Variants in ZC3H18 observed in about 807,000 individuals in gnomAD.
ZC3H18 encodes zinc finger CCCH domain-containing protein 18.
In ZC3H18, 8 loss-of-function variants were observed where a neutral mutation model predicts 106.1. That is an observed-to-expected ratio of 0.08 (90% CI 0.04 to 0.14). The LOEUF (loss-of-function observed/expected upper bound fraction) is 0.14, where lower values mean the gene tolerates loss of function less well. Ranked by LOEUF, ZC3H18 falls within the 10% of genes least tolerant of loss-of-function variation. The pLI, the probability that ZC3H18 is intolerant of heterozygous loss-of-function variation, is 1.00. For synonymous variants in ZC3H18, 635 were observed against 522.1 expected (o/e 1.22, Z -2.95); for missense variants, 1,318 against 1,278.4 (o/e 1.03, Z -0.47).
rs368608934 is a variant in ZC3H18 at position 88,627,825 on chromosome 16, G to A, written c.2269+43G>A. On this transcript the variant is annotated intron_variant, in intron 14 of 17. Transcript: ENST00000301011. This position sits in a 1 kb window ranked among gnomAD's most constrained non-coding sequence, Gnocchi z 4.5. ...TACCTTTGGGGAGCAGCTCCCGGGG[G>A]AGGAGGGCGGCATCAGCACAGACTT... The A allele has an allele frequency of 5.1e-5, 82 of 1,610,058 alleles. No individual in the cohort carries two copies. The highest frequency in any genetic ancestry group is 6.5e-5 in the Non-Finnish European group (77 of 1,177,244).
intron 3 of ZC3H18, among the ~76,000 whole-genome samples, chr16:88,597,386 A>G (rs1904494094): frequency 6.6e-6 from 1 of 152,204 alleles, no homozygotes; most frequent in South Asian, 2.1e-4. Context: ...ATGATTTAAA[A>G]TCTAACTGCA....
intron 9 of ZC3H18, 95 bp downstream of exon 9, chr16:88,622,483 C>T: frequency 7.3e-7 from 1 of 1,370,896 alleles, no homozygotes; most frequent in Non-Finnish European, 9.7e-7. Flanking sequence ...AACACCCCAG[C>T]CCCACTGTTT....
At chr16:88,630,059 G>A (rs1177746943) in intron 16 of ZC3H18, 2 of 171,734 alleles carry the variant, frequency 1.2e-5, no homozygotes, top group East Asian at 1.8e-4. Flanking sequence ...TTGGGCCTGC[G>A]CTGGGCAGTG....
intron 3 of ZC3H18, among the ~76,000 whole-genome samples, chr16:88,589,310 G>C (rs951800729): frequency 6.6e-6 from 1 of 152,234 alleles, no homozygotes; most frequent in African/African-American, 2.4e-5. Context: ...TTCCACTGCA[G>C]GTATGCAGCC....
At position 88,572,521 on chromosome 16, in the gene ZC3H18, G is replaced by A. The variant is rs138253791; in HGVS notation, c.-15+1955G>A. On this transcript the variant is annotated intron_variant, in intron 1 of 17. Coordinates refer to ENST00000301011, the MANE Select transcript of ZC3H18 (RefSeq NM_144604.4). ...GCCAAATGCAGAAAGCAACGGAGACGGGACGATGGGCACTTGTTATTTCAT... is the reference window on the plus strand; with the variant it reads ...GCCAAATGCAGAAAGCAACGGAGACAGGACGATGGGCACTTGTTATTTCAT... Among the ~76,000 whole-genome samples the A allele has an allele frequency of 3.4e-3, 511 of 152,130 alleles. 5 individuals are homozygous for A. Among genetic ancestry groups the A allele is most frequent in the African/African-American group, 0.011 (447 of 41,540 alleles).
At position 88,630,505 on chromosome 16, in the gene ZC3H18, G is replaced by A; in HGVS notation, c.2587G>A (p.Gly863Ser). The change falls in exon 17 of 18, where the codon GGT becomes AGT. Residue 863 changes from glycine to serine, a missense_variant. This residue lies in a region of ZC3H18 where 848 missense variants were observed against 821.7 expected (regional missense o/e 1.03). Transcript: ENST00000301011. ...PDRGSRDRKS[G>S]GRLGSPKPER... is the part of the protein sequence containing the mutation. ...CCCAGGTTCTCGGGACCGGAAGTCA[G>A]GTGGGAGACTGGGCTCCCCGAAGCC... 3 of 1,613,526 alleles carry A rather than the reference G, an allele frequency of 1.9e-6. No homozygotes were observed. The highest frequency in any genetic ancestry group is 2.5e-6 in the Non-Finnish European group (3 of 1,179,922).
rs1914813512 is a variant in ZC3H18, at chr16:88,577,263, A to T, written c.140A>T (p.Asp47Val). Reference sequence around the variant, plus strand: ...GACGGGGCGGGGGTGAGGGCTTCTGATCTGGAGGATGAGGAAAGTGCAGCC... The same window carrying T: ...GACGGGGCGGGGGTGAGGGCTTCTGTTCTGGAGGATGAGGAAAGTGCAGCC... The part of the protein sequence containing the change: ...DLDGAGVRAS[D>V]LEDEESAARG... Residue 47 changes from aspartate (D) to valine (V), a missense_variant, in exon 2 of 18, where the codon GAT becomes GTT. Coordinates refer to ENST00000301011, the MANE Select transcript of ZC3H18 (RefSeq NM_144604.4). 7.4e-6 allele frequency: 12 copies of T among 1,613,540 alleles called. No individual in the cohort carries two copies. Among genetic ancestry groups the T allele is most frequent in the Non-Finnish European group, 1.0e-5 (12 of 1,179,830 alleles).
At position 88,598,537 on chromosome 16, in the gene ZC3H18, G is replaced by A. The variant is rs931164684; in HGVS notation, c.838-83G>A. The A allele has an allele frequency of 4.1e-6, 6 of 1,474,138 alleles. No individual in the cohort carries two copies. In the Admixed American group the frequency reaches 5.8e-5, roughly 14 times the overall value. 91.3% of individuals were successfully genotyped at this position (1,474,138 alleles called of 1,614,324 possible). A position where few individuals can be genotyped will look rare whatever the true frequency, so the allele number is the denominator to read the frequency against. ...CGGCCACACACGGCCGGCTTGTGTT[G>A]TAGTTGATGTTTTTACTGTCTGGTT... On this transcript the variant is annotated intron_variant, in intron 4 of 17. Coordinates refer to ENST00000301011, the MANE Select transcript of ZC3H18 (RefSeq NM_144604.4).
At chr16:88,628,667 G>C in intron 15 of ZC3H18, 91 bp from the exon 16 acceptor site, 2 of 1,390,178 alleles carry the variant, frequency 1.4e-6, no homozygotes, top group African/African-American at 1.4e-5. Flanking sequence ...AGCAGAGCAG[G>C]TTGCTGGCAA....
In ZC3H18 at chr16:88,623,091, G is replaced by A. The variant is rs779549141; in HGVS notation, c.1668-128G>A. On this transcript the variant is annotated intron_variant, in intron 9 of 17. Coordinates refer to ENST00000301011, the MANE Select transcript of ZC3H18 (RefSeq NM_144604.4). ...TGCGCGCGTCTGCAGCTGTGCGCGC[G>A]TGCGCAGCTGTGCGCTTGTGTGTAG... The A allele has an allele frequency of 3.1e-4, 422 of 1,360,158 alleles. 2 individuals carry two copies. Among genetic ancestry groups the A allele is most frequent in the East Asian group, 7.8e-4 (31 of 39,700 alleles). The allele number at this position is 1,360,158 out of a possible 1,614,324, so 84.3% of individuals were successfully genotyped here.
At chr16:88,618,290 C>T (rs766532649) in intron 8 of ZC3H18, among the ~76,000 whole-genome samples, 4 of 152,004 alleles carry the variant, frequency 2.6e-5, no homozygotes, top group African/African-American at 9.7e-5. Context: ...GCATGTGGCC[C>T]GTAGCTAAAT....
intron 10 of ZC3H18, 145 bp from the exon 11 acceptor site, chr16:88,623,813 G>A: frequency 1.4e-6 from 2 of 1,390,842 alleles, no homozygotes; most frequent in Non-Finnish European, 1.9e-6. Context: ...GCAGATGACA[G>A]AACAGTCCAG....
At chr16:88,590,608 G>A (rs1915693891) in intron 3 of ZC3H18, among the ~76,000 whole-genome samples, 1 of 126,040 alleles carries the variant, frequency 7.9e-6, no homozygotes, top group African/African-American at 3.1e-5. Context: ...TGTCACCCGG[G>A]CTGGAGTGCA....
At position 88,598,659 on chromosome 16, in the gene ZC3H18, C is replaced by T. The variant is rs770065499; in HGVS notation, c.877C>T (p.Pro293Ser). ...VVDEILPPPP[P>S]EPPTESAWER... ...TGATGAAATTTTGCCTCCACCCCCT[C>T]CAGAGCCCCCAACAGAGAGTGCCTG... Residue 293 changes from proline to serine, a missense_variant, in exon 5 of 18, where the codon CCA (proline) becomes TCA (serine). Pro to Ser is a moderately conservative substitution (Grantham distance 74, BLOSUM62 -1). Coordinates refer to ENST00000301011, the MANE Select transcript of ZC3H18 (RefSeq NM_144604.4). The T allele has an allele frequency of 6.2e-7, 1 of 1,613,104 alleles. No individual in the cohort carries two copies. Among genetic ancestry groups the T allele is most frequent in the South Asian group, 1.1e-5 (1 of 90,774 alleles).
intron 13 of ZC3H18, chr16:88,625,496 A>C: frequency 1.8e-6 from 1 of 553,004 alleles, no homozygotes. Context: ...AGATTCACAA[A>C]CTCGGGGGCA....
At chr16:88,591,864 C>T (rs1451851540) in intron 3 of ZC3H18, among the ~76,000 whole-genome samples, 3 of 150,684 alleles carry the variant, frequency 2.0e-5, no homozygotes, top group Non-Finnish European at 3.0e-5. Context: ...TTTGAGGAAC[C>T]GCTGGCAGTG....
rs559864341 is a variant in ZC3H18 at position 88,615,975 on chromosome 16, G to A, written c.1475+4439G>A. On this transcript the variant is annotated intron_variant, in intron 8 of 17. Transcript: ENST00000301011. ...TGTGGCCCGCACTTTAGTGACCCGC[G>A]GAATGGGAGGGCAGATTCCCGACTG... is the stretch of plus-strand genomic sequence containing the variant. Among the ~76,000 whole-genome samples the A allele has an allele frequency of 4.2e-4, 64 of 152,340 alleles. 1 individual carries two copies. The Middle Eastern group carries it at 0.02, about 49-fold the overall frequency.
At chr16:88,616,051 G>A (rs1177603255) in intron 8 of ZC3H18, among the ~76,000 whole-genome samples, 1 of 152,174 alleles carries the variant, frequency 6.6e-6, no homozygotes, top group Non-Finnish European at 1.5e-5. Context: ...GCGGGTGACG[G>A]ATCCCAGGAG....
At chr16:88,575,682 G>T (rs1313679820) in intron 1 of ZC3H18, among the ~76,000 whole-genome samples, 1 of 151,978 alleles carries the variant, frequency 6.6e-6, no homozygotes, top group Non-Finnish European at 1.5e-5. Context: ...GTAAAAATAG[G>T]AATGAAGTCT....
Sources: allele counts gnomAD v4.1 joint callset (sites outside exome capture counted in the v4.1 genomes callset), GRCh38; gene constraint gnomAD v4.1.1; regional missense constraint gnomAD v4.1.1; non-coding constraint Gnocchi (gnomAD v3.1); transcripts MANE v1.5; gene names NCBI Gene and HGNC (gene_info 2026-07-23, HGNC 2026-07-21).